The following MACROD2 variants were observed in gnomAD, a reference collection of about 807,000 sequenced individuals.
MACROD2 encodes mono-ADP ribosylhydrolase 2.
MACROD2 carries 36 observed loss-of-function variants against 70.4 expected under a neutral mutation model. The ratio of observed to expected loss-of-function variants is 0.51; its 90% CI spans 0.39 to 0.68. MACROD2 has a LOEUF of 0.68. MACROD2 is among the 30% of genes least tolerant of loss of function. The probability of loss-of-function intolerance (pLI) is 0.00; values close to 1 mark genes in which losing one functional copy is unlikely to be tolerated. For synonymous variants in MACROD2, 172 were observed against 178.8 expected, an observed-to-expected ratio of 0.96 and a Z score of 0.30; for missense variants, 496 against 538.4, an observed-to-expected ratio of 0.92 and a Z score of 0.78.
intron 6 of MACROD2, among the ~76,000 whole-genome samples, chr20:15,347,436 C>T (rs575593059): frequency 2.6e-5 from 4 of 152,108 alleles, no homozygotes; most frequent in African/African-American, 7.2e-5. Context: ...TGTCAGAACC[C>T]CAGAGAACTG....
At chr20:16,026,914 T>A (rs765870634) in intron 15 of MACROD2, among the ~76,000 whole-genome samples, 8 of 152,170 alleles carry the variant, frequency 5.3e-5, no homozygotes, top group Non-Finnish European at 8.8e-5. Context: ...TTTGGTTGCA[T>A]GTTTAGTTAA....
At chr20:14,258,986 A>C (rs1329167158) in intron 3 of MACROD2, among the ~76,000 whole-genome samples, 1 of 152,188 alleles carries the variant, frequency 6.6e-6, no homozygotes, top group East Asian at 1.9e-4. Context: ...TCTGTTACCC[A>C]GGCTGGAGTG....
At chr20:15,063,670 CA>C (rs1469740302) in intron 5 of MACROD2, among the ~76,000 whole-genome samples, 1 of 152,130 alleles carries the variant, frequency 6.6e-6, no homozygotes, top group African/African-American at 2.4e-5. Flanking sequence ...AGTGTTTAGC[CA>C]GCCACACATA....
intron 5 of MACROD2, among the ~76,000 whole-genome samples, chr20:15,190,573 A>G (rs139933012): frequency 0.01 from 1,537 of 152,350 alleles, 27 homozygotes; most frequent in African/African-American, 0.035. Flanking sequence ...CATAGATTTC[A>G]TTATTCAGGT....
chr20:15,645,557 G>C (rs1390006365), intron 8 of MACROD2, among the ~76,000 whole-genome samples: 1 of 152,178 alleles, frequency 6.6e-6, no homozygotes, highest in Non-Finnish European at 1.5e-5. Flanking sequence ...ATTCTGAAAA[G>C]CAGCAAAAGA....
chr20:15,226,429 T>C (rs780551037), intron 5 of MACROD2, among the ~76,000 whole-genome samples: 5 of 152,204 alleles, frequency 3.3e-5, no homozygotes, highest in Non-Finnish European at 7.3e-5. Context: ...ATCTTATTTA[T>C]ACCAAGGGAT....
At chr20:15,092,228 A>C (rs1222988214) in intron 5 of MACROD2, among the ~76,000 whole-genome samples, 2 of 151,944 alleles carry the variant, frequency 1.3e-5, no homozygotes, top group Non-Finnish European at 2.9e-5. Context: ...TTGCTAGTAG[A>C]TTTTTATTTA....
At chr20:15,082,033 G>T (rs539560588) in intron 5 of MACROD2, among the ~76,000 whole-genome samples, 1 of 152,294 alleles carries the variant, frequency 6.6e-6, no homozygotes, top group Admixed American at 6.5e-5. Flanking sequence ...CAGGAGCCAG[G>T]CTACTGGTAC....
chr20:15,330,614 T>C lies in MACROD2; in HGVS notation c.540+100553T>C, dbSNP rs2077981717. ...TATTTCTAGTAACCCAAACTGATGT[T>C]AGATGATCACAGCAAGAAAAAAAAA... is the stretch of plus-strand genomic sequence containing the variant. On this transcript the variant is annotated intron_variant, in intron 6 of 17. Coordinates refer to ENST00000684519, the MANE Select transcript of MACROD2 (RefSeq NM_001351661.2). 1.3e-5 allele frequency among the ~76,000 whole-genome samples: 2 copies of C among 151,550 alleles called. 1 individual carries two copies. Among genetic ancestry groups the C allele is most frequent in the South Asian group, 4.2e-4 (2 of 4,818 alleles).
chr20:14,050,220 A>G (rs1569135058), intron 2 of MACROD2, among the ~76,000 whole-genome samples: 1 of 152,118 alleles, frequency 6.6e-6, no homozygotes. Flanking sequence ...TATTCTGCAT[A>G]TGATGATTCT....
At chr20:14,555,992 T>C (rs1049052472) in intron 4 of MACROD2, among the ~76,000 whole-genome samples, 2 of 152,024 alleles carry the variant, frequency 1.3e-5, no homozygotes, top group East Asian at 3.9e-4. Context: ...TTTTAACTAA[T>C]TGAAGTGACT....
intron 8 of MACROD2, among the ~76,000 whole-genome samples, chr20:15,597,488 A>G (rs538170876): frequency 2.0e-5 from 3 of 152,304 alleles, no homozygotes; most frequent in South Asian, 4.1e-4. Flanking sequence ...CCAGAAGTGT[A>G]AACAGGCCTT....
chr20:15,754,912 C>T (rs1389774941), intron 8 of MACROD2, among the ~76,000 whole-genome samples: 1 of 151,088 alleles, frequency 6.6e-6, no homozygotes, highest in Non-Finnish European at 1.5e-5. Context: ...AGGCTGGAGT[C>T]CAGTGGTGTA....
intron 7 of MACROD2, among the ~76,000 whole-genome samples, chr20:15,473,869 G>T (rs2046989936): frequency 6.6e-6 from 1 of 152,148 alleles, no homozygotes; most frequent in Non-Finnish European, 1.5e-5. Flanking sequence ...CAAAGTGTCC[G>T]TTTTCTATCA....
intron 2 of MACROD2, among the ~76,000 whole-genome samples, chr20:14,013,638 A>G (rs2052945449): frequency 6.8e-6 from 1 of 147,160 alleles, no homozygotes; most frequent in African/African-American, 2.5e-5. Context: ...TGCAGTGTGT[A>G]CCATTAAGTA....
At chr20:14,573,326 T>C (rs1980344584) in intron 4 of MACROD2, among the ~76,000 whole-genome samples, 2 of 152,192 alleles carry the variant, frequency 1.3e-5, no homozygotes, top group Non-Finnish European at 1.5e-5. Flanking sequence ...GTGATTTCTG[T>C]CTGTTTCATT....
intron 6 of MACROD2, among the ~76,000 whole-genome samples, chr20:15,421,369 A>G (rs1176514942): frequency 6.6e-6 from 1 of 151,696 alleles, no homozygotes; most frequent in African/African-American, 2.4e-5. Flanking sequence ...ACAGAGTGAG[A>G]CTCTGTCTCA....
intron 4 of MACROD2, among the ~76,000 whole-genome samples, chr20:14,543,152 C>T (rs1421687141): frequency 6.6e-6 from 1 of 152,100 alleles, no homozygotes; most frequent in Non-Finnish European, 1.5e-5. Context: ...TAGTGGATGC[C>T]AGAAACCACA....
intron 4 of MACROD2, among the ~76,000 whole-genome samples, chr20:14,494,442 G>A (rs1472366903): frequency 2.0e-5 from 3 of 152,034 alleles, no homozygotes; most frequent in African/African-American, 7.2e-5. Context: ...ACAGAATCTT[G>A]AAAATAAGAA....
Sources: allele counts gnomAD v4.1 joint callset (sites outside exome capture counted in the v4.1 genomes callset), GRCh38; gene constraint gnomAD v4.1.1; transcripts MANE v1.5; gene names NCBI Gene and HGNC (gene_info 2026-07-23, HGNC 2026-07-21).